GRIA2: variants seen among roughly 807,000 people sequenced by gnomAD.
The protein encoded by GRIA2 is glutamate receptor 2.
GRIA2 carries 14 observed loss-of-function variants against 97.3 expected under a neutral mutation model. The observed-to-expected ratio is 0.14, with a 90% CI of 0.10 to 0.23. The LOEUF (loss-of-function observed/expected upper bound fraction) is 0.23, where lower values mean the gene tolerates loss of function less well. GRIA2 is among the 10% of genes least tolerant of loss of function. The probability of loss-of-function intolerance (pLI) is 1.00; values close to 1 mark genes in which losing one functional copy is unlikely to be tolerated. For synonymous variants in GRIA2, 412 were observed against 387.8 expected, an observed-to-expected ratio of 1.06 and a Z score of -0.73; for missense variants, 558 against 1,069.8, an observed-to-expected ratio of 0.52 and a Z score of 6.67.
At chr4:157,257,570 G>A (rs959693796) in intron 2 of GRIA2, among the ~76,000 whole-genome samples, 2 of 152,056 alleles carry the variant, frequency 1.3e-5, no homozygotes, top group African/African-American at 4.8e-5. Flanking sequence ...GATTTCAAAA[G>A]TATCATTCAT....
intron 13 of GRIA2, chr4:157,360,777 C>A: frequency 3.6e-6 from 2 of 555,040 alleles, no homozygotes; most frequent in Non-Finnish European, 6.9e-6. Context: ...GAATATAGAA[C>A]TCCCCATATT....
chr4:157,263,747 CTTA>C (rs144762345), intron 2 of GRIA2, among the ~76,000 whole-genome samples: 2 of 152,132 alleles, frequency 1.3e-5, no homozygotes, highest in East Asian at 3.9e-4. Flanking sequence ...CAATGAGAAT[CTTA>C]TTATAATTGC....
Position 157,333,340 on chromosome 4 carries a change from A to T in GRIA2, c.1142A>T (p.Asn381Ile), listed in dbSNP as rs370184465. 11 of 1,576,368 alleles carry T rather than the reference A, an allele frequency of 7.0e-6. No homozygotes were observed. The highest frequency in any genetic ancestry group is 8.7e-6 in the Non-Finnish European group (10 of 1,150,502). Residue 381 changes from asparagine (N) to isoleucine (I), a missense_variant, in exon 8 of 16, where the codon AAT becomes ATT. Coordinates refer to ENST00000264426, the MANE Select transcript of GRIA2 (RefSeq NM_001083619.3). ...ATTAACATCATGGAGCTCAAAACTAATGGGCCCCGGAAGGTAAATCCTTAG... is the reference window on the plus strand; with the variant it reads ...ATTAACATCATGGAGCTCAAAACTATTGGGCCCCGGAAGGTAAATCCTTAG... ...YTINIMELKT[N>I]GPRKIGYWSE...
chr4:157,333,070 T>C (rs1006300699), intron 7 of GRIA2, 84 bp downstream of exon 7: 3 of 1,150,796 alleles, frequency 2.6e-6, no homozygotes, highest in Non-Finnish European at 3.7e-6. Flanking sequence ...CCTTGTCTTA[T>C]TCCTTGTGTC....
intron 2 of GRIA2, among the ~76,000 whole-genome samples, chr4:157,230,044 G>T (rs780058678): frequency 3.3e-5 from 5 of 151,942 alleles, no homozygotes; most frequent in Non-Finnish European, 7.4e-5. Flanking sequence ...ATCCCTACAA[G>T]AATAGAATAT....
intron 2 of GRIA2, among the ~76,000 whole-genome samples, chr4:157,289,824 T>A (rs2126832952): frequency 6.6e-6 from 1 of 151,980 alleles, no homozygotes; most frequent in East Asian, 1.9e-4. Flanking sequence ...CTAGAGAGAT[T>A]ATTTTTCCCT....
chr4:157,333,392 A>G (rs1322355066), intron 8 of GRIA2, 39 bp downstream of exon 8: 1 of 1,051,284 alleles, frequency 9.5e-7, no homozygotes, highest in Non-Finnish European at 1.4e-6. Flanking sequence ...CTATGTGAGG[A>G]GGTGAGTTAG....
rs1350941896 is a variant in GRIA2, at chr4:157,332,908, G to A, written c.972G>A (p.Arg324=). ...AGCAAAGAATTGAAATCTCCCGAAG[G>A]GGGAATGCAGGAGACTGTCTGGCAA... ...LRKQRIEISR[R]GNAGDCLANP... Residue 324 remains arginine (R), a synonymous_variant, in exon 7 of 16, where the codon AGG becomes AGA. Transcript: ENST00000264426. The A allele has an allele frequency of 6.2e-7, 1 of 1,612,582 alleles. No homozygotes were observed. The highest frequency in any genetic ancestry group is 8.5e-7 in the Non-Finnish European group (1 of 1,178,968).
chr4:157,234,959 A>G (rs1375907247), intron 2 of GRIA2, among the ~76,000 whole-genome samples: 1 of 152,108 alleles, frequency 6.6e-6, no homozygotes, highest in Non-Finnish European at 1.5e-5. Context: ...TGTGTAGTTC[A>G]TGAAATATTC....
Position 157,303,083 on chromosome 4 carries a change from G to C in GRIA2, c.230-469G>C, listed in dbSNP as rs1251209594. On this transcript the variant is annotated intron_variant, in intron 2 of 15. Coordinates refer to ENST00000264426, the MANE Select transcript of GRIA2 (RefSeq NM_001083619.3). ...TCTGGTATCTATCTTGTCTTAAAGA[G>C]GTTTTGGTCAGCATTTGGAGTCTAT... 2.0e-5 allele frequency among the ~76,000 whole-genome samples: 3 copies of C among 152,114 alleles called. No individual in the cohort carries two copies. In the East Asian group the frequency reaches 5.8e-4, roughly 29 times the overall value.
chr4:157,355,971 A>ATG (rs1491231911), intron 12 of GRIA2, among the ~76,000 whole-genome samples: 2 of 9,596 alleles, frequency 2.1e-4, no homozygotes, highest in Non-Finnish European at 2.7e-4. Context: ...ATGTATATTA[A>ATG]TATATATATT....
intron 2 of GRIA2, among the ~76,000 whole-genome samples, chr4:157,256,238 A>ATATTACATATATATGTTATATAT (rs1731258855): frequency 1.2e-5 from 1 of 82,856 alleles, no homozygotes; most frequent in African/African-American, 5.7e-5. Flanking sequence ...TATATAATAT[A>ATATTACATATATATGTTATATAT]TATATATAAT....
intron 6 of GRIA2, among the ~76,000 whole-genome samples, chr4:157,324,343 G>T (rs1300366125): frequency 6.6e-6 from 1 of 152,136 alleles, no homozygotes; most frequent in Non-Finnish European, 1.5e-5. Context: ...TAGAAGGCCA[G>T]AAACTAAATA....
rs897853996 is a variant in GRIA2 at position 157,239,229 on chromosome 4, G to A, written c.229+17422G>A. On this transcript the variant is annotated intron_variant, in intron 2 of 15. Transcript: ENST00000264426. ...ATGTCCAGAATAGAACTGTGTATTGGTGAATATTAATAATGCCTATAATAT... is the reference window on the plus strand; with the variant it reads ...ATGTCCAGAATAGAACTGTGTATTGATGAATATTAATAATGCCTATAATAT... Among the ~76,000 whole-genome samples, 3 of 152,128 alleles carry A rather than the reference G, an allele frequency of 2.0e-5. No homozygotes were observed. In the East Asian group the frequency reaches 5.8e-4, roughly 29 times the overall value.
At chr4:157,246,419 A>C (rs1730734930) in intron 2 of GRIA2, among the ~76,000 whole-genome samples, 1 of 152,156 alleles carries the variant, frequency 6.6e-6, no homozygotes, top group African/African-American at 2.4e-5. Context: ...AACTACATGC[A>C]ACTAACACAT....
intron 2 of GRIA2, among the ~76,000 whole-genome samples, chr4:157,228,518 C>T (rs994259130): frequency 2.0e-5 from 3 of 152,120 alleles, no homozygotes; most frequent in African/African-American, 7.2e-5. Flanking sequence ...TGCAGCCAGG[C>T]TCAGTGGCTC....
At chr4:157,337,721 C>G (rs965661042) in intron 11 of GRIA2, among the ~76,000 whole-genome samples, 2 of 151,548 alleles carry the variant, frequency 1.3e-5, no homozygotes, top group African/African-American at 4.8e-5. Flanking sequence ...TTTAAGAAAA[C>G]TGTATGAGAA....
At chr4:157,269,700 T>C (rs1440241844) in intron 2 of GRIA2, among the ~76,000 whole-genome samples, 1 of 152,132 alleles carries the variant, frequency 6.6e-6, no homozygotes, top group Non-Finnish European at 1.5e-5. Context: ...ATCCTTTAGA[T>C]GTTAAATCAA....
At chr4:157,250,997 AG>A (rs989521557) in intron 2 of GRIA2, among the ~76,000 whole-genome samples, 16 of 151,950 alleles carry the variant, frequency 1.1e-4, no homozygotes, top group African/African-American at 3.9e-4. Flanking sequence ...ACCTTTTTCT[AG>A]GGGTTGGGGA....
Sources: gnomAD v4.1 joint callset for allele counts (sites outside exome capture counted in the v4.1 genomes callset) on GRCh38, gnomAD v4.1.1 for gene constraint, MANE v1.5 for transcripts, NCBI Gene and HGNC (gene_info 2026-07-23, HGNC 2026-07-21) for gene names.